The following NXPE2 variants were observed in gnomAD, a reference collection of about 807,000 sequenced individuals.
NXPE2 encodes NXPE family member 2.
Under a neutral mutation model 34.4 loss-of-function variants are expected in NXPE2, and 34 were observed. The observed-to-expected ratio is 0.99, with a 90% CI of 0.75 to 1.31. NXPE2 has a LOEUF of 1.31. NXPE2 is among the 40% of genes most tolerant of loss of function. The pLI is 0.00. For synonymous variants in NXPE2, 235 were observed against 231.3 expected (o/e 1.02, Z -0.15); for missense variants, 649 against 672.5 (o/e 0.97, Z 0.39).
At chr11:114,668,881 G>T in the NXPE2 span, among the ~76,000 whole-genome samples, 441 of 152,022 alleles carry the variant, frequency 2.9e-3, 7 homozygotes, top group East Asian at 6.4e-3. Context: ...AGCAACCAAA[G>T]GTATACAATA....
At chr11:114,671,371 A>G in the NXPE2 span, among the ~76,000 whole-genome samples, 31 of 152,004 alleles carry the variant, frequency 2.0e-4, no homozygotes, top group Non-Finnish European at 8.8e-5. Context: ...CCAGAAAACA[A>G]TGGAAGAAAT....
chr11:114,601,884 T>TATATATTATATTTATATATTATATAA, the NXPE2 span, among the ~76,000 whole-genome samples: 3 of 15,796 alleles, frequency 1.9e-4, no homozygotes, highest in Non-Finnish European at 2.6e-4. Context: ...TTATATATAA[T>TATATATTATATTTATATATTATATAA]TATATATTAT....
the NXPE2 span, among the ~76,000 whole-genome samples, chr11:114,718,588 G>A: frequency 6.6e-6 from 1 of 152,190 alleles, no homozygotes; most frequent in South Asian, 2.1e-4. Flanking sequence ...AAACTAAAGG[G>A]GCAAAGGCTA....
chr11:114,693,288 C>A (rs1328387200), intron 2 of NXPE2, among the ~76,000 whole-genome samples: 1 of 152,116 alleles, frequency 6.6e-6, no homozygotes, highest in East Asian at 1.9e-4. Flanking sequence ...TAATGGACAC[C>A]TCAGAGAATG....
chr11:114,544,411 A>T, the NXPE2 span, among the ~76,000 whole-genome samples: 1 of 152,224 alleles, frequency 6.6e-6, no homozygotes, highest in East Asian at 1.9e-4. Context: ...ATAGAAAGCC[A>T]ATAAACAAAT....
the NXPE2 span, among the ~76,000 whole-genome samples, chr11:114,742,175 G>A: frequency 2.6e-5 from 4 of 152,112 alleles, no homozygotes; most frequent in Non-Finnish European, 5.9e-5. Context: ...TATACCTTCT[G>A]TCAGTTCCAC....
the NXPE2 span, among the ~76,000 whole-genome samples, chr11:114,652,910 A>C: frequency 6.6e-6 from 1 of 152,224 alleles, no homozygotes; most frequent in Non-Finnish European, 1.5e-5. Context: ...GTGAAGCCAG[A>C]AATCCAGATG....
At chr11:114,706,281 G>A in intron 5 of NXPE2, 114 bp from the exon 6 acceptor site, 1 of 848,664 alleles carries the variant, frequency 1.2e-6, no homozygotes, top group East Asian at 2.7e-5. Context: ...CCTTACATAG[G>A]CAATAGTGCT....
chr11:114,516,925 C>T, the NXPE2 span, among the ~76,000 whole-genome samples: 1 of 152,150 alleles, frequency 6.6e-6, no homozygotes, highest in Non-Finnish European at 1.5e-5. Context: ...CATGTGTTCA[C>T]CCTGGCACCC....
chr11:114,659,484 C>T, the NXPE2 span, among the ~76,000 whole-genome samples: 1 of 151,428 alleles, frequency 6.6e-6, no homozygotes, highest in South Asian at 2.1e-4. Flanking sequence ...ACAGATTACC[C>T]TAGAGATGTG....
the NXPE2 span, among the ~76,000 whole-genome samples, chr11:114,628,133 T>A: frequency 6.9e-6 from 1 of 144,366 alleles, no homozygotes; most frequent in South Asian, 2.3e-4. Context: ...TCAACAACGA[T>A]ACCCAAGAAT....
chr11:114,695,830 A>AACAGACACACACACACACAC (rs564407542), intron 2 of NXPE2, among the ~76,000 whole-genome samples: 4 of 132,536 alleles, frequency 3.0e-5, no homozygotes, highest in Non-Finnish European at 6.4e-5. Flanking sequence ...GTCTCTACTA[A>AACAGACACACACACACACAC]ACACACACAC....
intron 2 of NXPE2, among the ~76,000 whole-genome samples, chr11:114,695,112 A>G (rs1951224442): frequency 6.6e-6 from 1 of 152,036 alleles, no homozygotes; most frequent in Non-Finnish European, 1.5e-5. Context: ...TTTACTGTTT[A>G]CTGTAGATAT....
chr11:114,801,144 T>C, the NXPE2 span, among the ~76,000 whole-genome samples: 2 of 152,178 alleles, frequency 1.3e-5, no homozygotes, highest in Admixed American at 6.5e-5. Flanking sequence ...CCTTGTTTTA[T>C]GGTGCTTACA....
At chr11:114,695,687 C>G (rs573465834) in intron 2 of NXPE2, among the ~76,000 whole-genome samples, 1 of 152,186 alleles carries the variant, frequency 6.6e-6, no homozygotes, top group East Asian at 1.9e-4. Flanking sequence ...CAGCGACTGT[C>G]AGAATGTATA....
chr11:114,544,332 T>C, the NXPE2 span, among the ~76,000 whole-genome samples: 1 of 152,212 alleles, frequency 6.6e-6, no homozygotes, highest in African/African-American at 2.4e-5. Flanking sequence ...CAAGGCTTAT[T>C]ACAAAGCTGC....
At chr11:114,557,727 T>C in the NXPE2 span, among the ~76,000 whole-genome samples, 1 of 150,052 alleles carries the variant, frequency 6.7e-6, no homozygotes. Context: ...TTCATTCTTC[T>C]TTGCCGTTCT....
the NXPE2 span, chr11:114,581,758 T>A: frequency 6.2e-7 from 1 of 1,611,922 alleles, no homozygotes; most frequent in Non-Finnish European, 8.5e-7. Flanking sequence ...GTATTGAATT[T>A]TTCCATAATC....
At chr11:114,623,165 G>A in the NXPE2 span, among the ~76,000 whole-genome samples, 17 of 151,760 alleles carry the variant, frequency 1.1e-4, no homozygotes, top group South Asian at 8.3e-4. Flanking sequence ...AGTGTTAACC[G>A]GTGGATAATA....
Sources: allele counts gnomAD v4.1 joint callset (sites outside exome capture counted in the v4.1 genomes callset), GRCh38; gene constraint gnomAD v4.1.1; transcripts MANE v1.5; gene names NCBI Gene and HGNC (gene_info 2026-07-23, HGNC 2026-07-21).